ADCY9: variants seen among roughly 807,000 people sequenced by gnomAD.
ADCY9 encodes the protein adenylate cyclase 9.
A neutral mutation model predicts 101.5 loss-of-function variants in ADCY9; 50 were observed. The ratio of observed to expected loss-of-function variants is 0.49; its 90% confidence interval spans 0.39 to 0.62. The LOEUF is 0.62. ADCY9 is among the 20% of genes least tolerant of loss of function. The probability of loss-of-function intolerance (pLI) is 0.00; values close to 1 mark genes in which losing one functional copy is unlikely to be tolerated. For synonymous variants in ADCY9, 905 were observed against 769.3 expected (o/e 1.18, Z -2.92); for missense variants, 1,662 against 1,800.4 (o/e 0.92, Z 1.39).
chr16:4,092,160 C>T (rs982210930), intron 2 of ADCY9, among the ~76,000 whole-genome samples: 1 of 152,134 alleles, frequency 6.6e-6, no homozygotes, highest in Non-Finnish European at 1.5e-5. Context: ...ATCACCGGTA[C>T]TTGGGAGGCT....
intron 2 of ADCY9, among the ~76,000 whole-genome samples, chr16:4,041,713 G>A (rs1285192361): frequency 6.6e-6 from 1 of 151,170 alleles, no homozygotes; most frequent in African/African-American, 2.4e-5. Flanking sequence ...GATGATTCAT[G>A]AGTCTAAACA....
In ADCY9 at chr16:3,966,352, T is replaced by C. The variant is rs1197068652; in HGVS notation, c.3485A>G (p.Lys1162Arg). 1 of 1,614,076 alleles carries C rather than the reference T, an allele frequency of 6.2e-7. No individual in the cohort carries two copies. Among genetic ancestry groups the C allele is most frequent in the Admixed American group, 1.7e-5 (1 of 60,028 alleles). The change falls in exon 11 of 11, where the codon AAG becomes AGG. Residue 1162 changes from lysine to arginine, a missense_variant. Lys to Arg is a conservative substitution (Grantham distance 26). This residue lies in a region of ADCY9 where 220 missense variants were observed against 312.9 expected (regional missense o/e 0.70). Transcript: ENST00000294016. Reference protein sequence around the residue: ...FNNNMLWFNFKLRVGFNHGPL... With the variant: ...FNNNMLWFNFRLRVGFNHGPL... ...CCCATGGTTGAAGCCGACGCGGAGC[T>C]TGAAGTTGAACCACAGCATGTTGTT...
At chr16:4,104,056 T>C (rs962934103) in intron 2 of ADCY9, among the ~76,000 whole-genome samples, 1 of 152,168 alleles carries the variant, frequency 6.6e-6, no homozygotes, top group African/African-American at 2.4e-5. Flanking sequence ...TGGTAGCACA[T>C]TATTTACACG....
chr16:4,010,583 T>C (rs1257836418), intron 2 of ADCY9, among the ~76,000 whole-genome samples: 2 of 152,154 alleles, frequency 1.3e-5, no homozygotes, highest in African/African-American at 2.4e-5. Flanking sequence ...GTGTGACTAT[T>C]TTGGCCGAGA....
At chr16:4,004,251 TAAAAAAAAA>T (rs71133681) in intron 3 of ADCY9, among the ~76,000 whole-genome samples, 1 of 107,722 alleles carries the variant, frequency 9.3e-6, no homozygotes, top group African/African-American at 3.5e-5. Context: ...CCCATCTCTT[TAAAAAAAAA>T]AAAAAAAAAA....
At chr16:4,094,646 G>T (rs1411698173) in intron 2 of ADCY9, among the ~76,000 whole-genome samples, 1 of 151,956 alleles carries the variant, frequency 6.6e-6, no homozygotes, top group East Asian at 1.9e-4. Context: ...AAAAAAAAGG[G>T]AGAAGAAAGA....
intron 2 of ADCY9, among the ~76,000 whole-genome samples, chr16:4,055,551 AG>A (rs2056732088): frequency 6.7e-6 from 1 of 149,624 alleles, no homozygotes; most frequent in South Asian, 2.1e-4. Context: ...AAAAAAAAAA[AG>A]GCCAGACGCG....
Position 3,966,551 on chromosome 16 carries a change from G to A in ADCY9, c.3286C>T (p.Leu1096=). The change falls in exon 11 of 11, where the codon CTA becomes TTA. Residue 1096 remains leucine, a synonymous_variant. Coordinates refer to ENST00000294016, the MANE Select transcript of ADCY9 (RefSeq NM_001116.4). ...ATGCTGCTGTAGTCCGGCTTGCTTA[G>A]GAGCTCGTCAAAGTCCCCGATGAGC... ...NELIGDFDEL[L]SKPDYSSIEK... 6.2e-7 allele frequency: 1 copy of A among 1,614,172 alleles called. No individual in the cohort carries two copies. The highest frequency in any genetic ancestry group is 8.5e-7 in the Non-Finnish European group (1 of 1,180,044).
At chr16:4,110,960 T>TCACGATCACGGATCCTGCTC (rs768629392) in intron 2 of ADCY9, among the ~76,000 whole-genome samples, 10 of 152,262 alleles carry the variant, frequency 6.6e-5, no homozygotes, top group East Asian at 5.8e-4. Context: ...ACCTCCTACC[T>TCACGATCACGGATCCTGCTC]CACGATCACG....
Position 4,007,495 on chromosome 16 carries a change from G to T in ADCY9, c.1757C>A (p.Ala586Asp). 6.2e-7 allele frequency: 1 copy of T among 1,614,088 alleles called. No individual in the cohort carries two copies. Among genetic ancestry groups the T allele is most frequent in the Non-Finnish European group, 8.5e-7 (1 of 1,180,018 alleles). Reference sequence around the variant, plus strand: ...AATGACCTCAAAGCCAGAAAGCAAGGCCTCTGCACAGCTGCAGCGAGACTC... The same window carrying T: ...AATGACCTCAAAGCCAGAAAGCAAGTCCTCTGCACAGCTGCAGCGAGACTC... ...AKESRCSCAEALLSGFEVIDG... is the reference protein window; with the variant it reads ...AKESRCSCAEDLLSGFEVIDG... The change falls in exon 3 of 11, where the codon GCC becomes GAC. Residue 586 changes from alanine to aspartate, a missense_variant. Around this residue, in one of 5 missense-constraint regions of ADCY9, gnomAD observed 624 missense variants for 639.1 expected, o/e 0.98. Transcript: ENST00000294016.
chr16:4,065,468 A>G (rs1411475430), intron 2 of ADCY9, among the ~76,000 whole-genome samples: 1 of 152,184 alleles, frequency 6.6e-6, no homozygotes, highest in African/African-American at 2.4e-5. Flanking sequence ...TCACAGCAAC[A>G]CCATGTTGCC....
At position 3,966,595 on chromosome 16, in the gene ADCY9, C is replaced by T; in HGVS notation, c.3242G>A (p.Cys1081Tyr). ...GATGAGCTCGTTGAGGACCCGGTAG[C>T]ACTCCTTGCCGCCCTCGTAGTTCTC... is the stretch of plus-strand genomic sequence containing the variant. The part of the protein sequence containing the change: ...YEENYEGGKE[C>Y]YRVLNELIGD... The change falls in exon 11 of 11, where the codon TGC (cysteine) becomes TAC (tyrosine). Residue 1081 changes from cysteine to tyrosine, a missense_variant. Cys to Tyr is a radical substitution (Grantham distance 194). This residue lies in a region of ADCY9 where 220 missense variants were observed against 312.9 expected (regional missense o/e 0.70). Transcript: ENST00000294016. 1 of 1,614,208 alleles carries T rather than the reference C, an allele frequency of 6.2e-7. No homozygotes were observed. The highest frequency in any genetic ancestry group is 1.1e-5 in the South Asian group (1 of 91,084).
chr16:3,962,017 CTCTG>C (rs1274098674), downstream of ADCY9, among the ~76,000 whole-genome samples: 2 of 145,660 alleles, frequency 1.4e-5, no homozygotes, highest in African/African-American at 2.5e-5. Context: ...CAGAGTGAGA[CTCTG>C]TCTAAATAAA....
At chr16:4,060,501 C>T (rs1023414258) in intron 2 of ADCY9, among the ~76,000 whole-genome samples, 5 of 152,166 alleles carry the variant, frequency 3.3e-5, no homozygotes, top group Non-Finnish European at 7.3e-5. Context: ...ACATATCCAC[C>T]GCAAACTGTG....
chr16:4,055,581 C>A (rs2056732338), intron 2 of ADCY9, among the ~76,000 whole-genome samples: 1 of 151,828 alleles, frequency 6.6e-6, no homozygotes, highest in African/African-American at 2.4e-5. Flanking sequence ...CACCTACAAT[C>A]CCAGCACTTT....
At chr16:4,022,140 C>T (rs1012013220) in intron 2 of ADCY9, among the ~76,000 whole-genome samples, 1 of 152,154 alleles carries the variant, frequency 6.6e-6, no homozygotes, top group Admixed American at 6.6e-5. Flanking sequence ...GCCACCAGGG[C>T]CCATCCCCCT....
chr16:4,085,575 C>T (rs2056932645), intron 2 of ADCY9, among the ~76,000 whole-genome samples: 1 of 152,128 alleles, frequency 6.6e-6, no homozygotes, highest in Admixed American at 6.5e-5. Context: ...AGAGGGTCAC[C>T]AAAGGAGGGG....
At chr16:4,030,922 C>T (rs1371750800) in intron 2 of ADCY9, among the ~76,000 whole-genome samples, 2 of 152,100 alleles carry the variant, frequency 1.3e-5, no homozygotes, top group African/African-American at 4.8e-5. Context: ...TCAAACTGTA[C>T]ACTTATGCAT....
At chr16:4,065,487 A>G (rs1241257908) in intron 2 of ADCY9, among the ~76,000 whole-genome samples, 1 of 152,250 alleles carries the variant, frequency 6.6e-6, no homozygotes, top group Non-Finnish European at 1.5e-5. Flanking sequence ...CCAGAAGGGC[A>G]GGTGCGAAAT....
Sources: gnomAD v4.1 joint callset for allele counts (sites outside exome capture counted in the v4.1 genomes callset) on GRCh38, gnomAD v4.1.1 for gene constraint, gnomAD v4.1.1 regional missense constraint, MANE v1.5 for transcripts, NCBI Gene and HGNC (gene_info 2026-07-23, HGNC 2026-07-21) for gene names.